ARAP2: variants seen among roughly 807,000 people sequenced by gnomAD.
The protein encoded by ARAP2 is arf-GAP with Rho-GAP domain, ANK repeat and PH domain-containing protein 2.
A neutral mutation model predicts 194.5 loss-of-function variants in ARAP2; 148 were observed. The observed-to-expected ratio is 0.76, with a 90% CI of 0.67 to 0.87. The LOEUF is 0.87. Ranked by LOEUF, ARAP2 falls within the 40% of genes least tolerant of loss-of-function variation. The pLI is 0.00. For synonymous variants in ARAP2, 695 were observed against 683.5 expected, an observed-to-expected ratio of 1.02 and a Z score of -0.26; for missense variants, 2,128 against 1,989.7, an observed-to-expected ratio of 1.07 and a Z score of -1.32.
intron 9 of ARAP2, 90 bp from the exon 10 acceptor site, chr4:36,167,137 T>C (rs1229544448): frequency 1.3e-5 from 10 of 766,522 alleles, no homozygotes; most frequent in Non-Finnish European, 2.0e-5. Context: ...CAATAAATTC[T>C]ACCAAATTTT....
At chr4:36,106,942 A>G (rs1415243041) in intron 27 of ARAP2, among the ~76,000 whole-genome samples, 1 of 151,868 alleles carries the variant, frequency 6.6e-6, no homozygotes, top group Non-Finnish European at 1.5e-5. Flanking sequence ...CTTTCAGTTG[A>G]TAACAACACA....
intron 19 of ARAP2, among the ~76,000 whole-genome samples, chr4:36,139,078 T>C (rs1162043000): frequency 6.9e-6 from 1 of 145,958 alleles, no homozygotes; most frequent in African/African-American, 2.5e-5. Context: ...GACACGTGTA[T>C]TTTGAATAGT....
intron 6 of ARAP2, 63 bp downstream of exon 6, chr4:36,210,327 G>T: frequency 2.1e-6 from 3 of 1,445,602 alleles, no homozygotes; most frequent in Non-Finnish European, 2.8e-6. Context: ...TGGAGGTTTA[G>T]AAATGAATAA....
At chr4:36,167,688 A>T (rs1209900818) in intron 9 of ARAP2, among the ~76,000 whole-genome samples, 1 of 152,122 alleles carries the variant, frequency 6.6e-6, no homozygotes, top group African/African-American at 2.4e-5. Flanking sequence ...CTTCAATCAG[A>T]TTCCTAAAAG....
intron 2 of ARAP2, among the ~76,000 whole-genome samples, chr4:36,223,486 C>G (rs1749596251): frequency 6.6e-6 from 1 of 152,068 alleles, no homozygotes; most frequent in Admixed American, 6.6e-5. Context: ...TTGAAAATAC[C>G]TAAATTCTAT....
intron 19 of ARAP2, among the ~76,000 whole-genome samples, chr4:36,142,461 C>T (rs1227679407): frequency 6.6e-6 from 1 of 151,470 alleles, no homozygotes; most frequent in Non-Finnish European, 1.5e-5. Flanking sequence ...AGTGACCTCA[C>T]TAGCTGTCTT....
downstream of ARAP2, among the ~76,000 whole-genome samples, chr4:36,064,845 G>A (rs1010729583): frequency 6.6e-5 from 10 of 152,200 alleles, no homozygotes; most frequent in Admixed American, 1.3e-4. Context: ...CCACCATAAA[G>A]GAGAGAAAAG....
intron 6 of ARAP2, chr4:36,209,268 C>T (rs1042469641): frequency 8.3e-5 from 29 of 351,318 alleles, no homozygotes; most frequent in Middle Eastern, 7.7e-4. Flanking sequence ...TCCACATGTT[C>T]GACATCTGAA....
rs762397861 is a variant in ARAP2, at chr4:36,193,639, A to G, written c.1496T>C (p.Met499Thr). ...LDKLSPQGKR[M>T]FQKRWVKFDG... is the part of the protein sequence containing the mutation. ...AAATTTCACCCATCTCTTTTGAAAC[A>G]TGCGTTTTCTGCAAAACATATGAAA... The change falls in exon 7 of 33, where the codon ATG becomes ACG. Residue 499 changes from methionine to threonine, a missense_variant. Met to Thr is a moderately conservative substitution (Grantham distance 81). Coordinates refer to ENST00000303965, the MANE Select transcript of ARAP2 (RefSeq NM_015230.4). 1 of 1,602,764 alleles carries G rather than the reference A, an allele frequency of 6.2e-7. No individual in the cohort carries two copies. The highest frequency in any genetic ancestry group is 1.3e-5 in the African/African-American group (1 of 74,764).
At chr4:36,176,876 A>G (rs547143728) in intron 9 of ARAP2, among the ~76,000 whole-genome samples, 13 of 152,180 alleles carry the variant, frequency 8.5e-5, no homozygotes, top group African/African-American at 2.4e-4. Flanking sequence ...TATTTTTCTT[A>G]TAAAAAATAG....
intron 1 of ARAP2, among the ~76,000 whole-genome samples, chr4:36,238,561 G>C (rs13114697): frequency 0.33 from 50,350 of 152,006 alleles, 8,652 homozygotes; most frequent in Middle Eastern, 0.39. Context: ...TGTTCATAAG[G>C]GCTTATATTC....
At chr4:36,193,465 A>T in intron 7 of ARAP2, 113 bp downstream of exon 7, 2 of 572,078 alleles carry the variant, frequency 3.5e-6, no homozygotes, top group South Asian at 6.9e-5. Flanking sequence ...TGCAACTTCA[A>T]ATTCTTTTCA....
intron 29 of ARAP2, among the ~76,000 whole-genome samples, chr4:36,082,856 T>C (rs770659989): frequency 2.0e-5 from 3 of 152,134 alleles, no homozygotes; most frequent in Non-Finnish European, 4.4e-5. Flanking sequence ...ACGCAATCTG[T>C]AGGAGGCACC....
chr4:36,048,878 G>A (rs377730612), intron 3 of ARAP2, among the ~76,000 whole-genome samples: 63 of 152,110 alleles, frequency 4.1e-4, no homozygotes, highest in African/African-American at 1.5e-3. Context: ...ATCAACATCT[G>A]TCATTTTAAA....
At chr4:36,161,650 G>C in intron 11 of ARAP2, 100 bp from the exon 12 acceptor site, 4 of 913,488 alleles carry the variant, frequency 4.4e-6, no homozygotes, top group Non-Finnish European at 6.9e-6. Flanking sequence ...TGTTCGTTGC[G>C]TATCTTCTCA....
At chr4:36,175,738 G>A (rs955250101) in intron 9 of ARAP2, among the ~76,000 whole-genome samples, 1 of 152,012 alleles carries the variant, frequency 6.6e-6, no homozygotes, top group Non-Finnish European at 1.5e-5. Flanking sequence ...GATGGAGAGG[G>A]GTTCAGCCTT....
At chr4:36,014,277 GAAAGAAAGAAAGAAAGAA>G (rs1715209533) in intron 8 of ARAP2, among the ~76,000 whole-genome samples, 4 of 139,246 alleles carry the variant, frequency 2.9e-5, no homozygotes, top group African/African-American at 1.1e-4. Flanking sequence ...AAGAAAGAAA[GAAAGAAAGAAAGAAAGAA>G]AGAAGAGAAG....
At chr4:36,012,954 T>C (rs374642019) in intron 8 of ARAP2, 54 of 152,338 alleles carry the variant, frequency 3.5e-4, no homozygotes, top group African/African-American at 1.3e-3. Context: ...TTAAAATATA[T>C]ACAAATAAAA....
At chr4:36,219,876 A>T (rs1367161396) in intron 2 of ARAP2, among the ~76,000 whole-genome samples, 1 of 152,222 alleles carries the variant, frequency 6.6e-6, no homozygotes, top group Non-Finnish European at 1.5e-5. Flanking sequence ...CTCAAAGTTA[A>T]GCAAAATGAG....
Sources: allele counts gnomAD v4.1 joint callset (sites outside exome capture counted in the v4.1 genomes callset), GRCh38; gene constraint gnomAD v4.1.1; transcripts MANE v1.5; gene names NCBI Gene and HGNC (gene_info 2026-07-23, HGNC 2026-07-21).